NCKAP5: variants seen among roughly 807,000 people sequenced by gnomAD.
The protein encoded by NCKAP5 is nck-associated protein 5.
Under a neutral mutation model 167.0 loss-of-function variants are expected in NCKAP5, and 92 were observed. That is an observed-to-expected ratio of 0.55 (90% confidence interval 0.47 to 0.66). NCKAP5 has a LOEUF of 0.66. Among genes scored for constraint, NCKAP5 ranks in the 30% least tolerant of loss-of-function variants. The pLI is 0.00. For missense variants in NCKAP5, 2,378 were observed against 2,315.0 expected (o/e 1.03, Z -0.56); for synonymous variants, 891 against 877.4 (o/e 1.02, Z -0.27).
intron 17 of NCKAP5, among the ~76,000 whole-genome samples, chr2:132,729,697 A>G (rs1453222482): frequency 1.3e-5 from 2 of 152,128 alleles, no homozygotes; most frequent in East Asian, 1.9e-4. Flanking sequence ...TTTCCCCACT[A>G]CCCATGAAAG....
At chr2:132,911,743 T>G (rs1460437499) in intron 8 of NCKAP5, among the ~76,000 whole-genome samples, 1 of 152,222 alleles carries the variant, frequency 6.6e-6, no homozygotes, top group Non-Finnish European at 1.5e-5. Flanking sequence ...GAAAGGGCCC[T>G]GGTTCCCATC....
At chr2:132,791,833 C>T (rs923117122) in intron 12 of NCKAP5, among the ~76,000 whole-genome samples, 4 of 152,174 alleles carry the variant, frequency 2.6e-5, no homozygotes, top group Non-Finnish European at 4.4e-5. Context: ...GTACACAGGG[C>T]ATGTTTAATT....
intron 7 of NCKAP5, among the ~76,000 whole-genome samples, chr2:132,989,655 T>C (rs2077394785): frequency 6.6e-6 from 1 of 152,196 alleles, no homozygotes; most frequent in African/African-American, 2.4e-5. Flanking sequence ...TACTTTATTA[T>C]TGGATTTTTA....
At chr2:132,975,004 G>A (rs749690687) in intron 7 of NCKAP5, among the ~76,000 whole-genome samples, 3 of 152,206 alleles carry the variant, frequency 2.0e-5, no homozygotes, top group Non-Finnish European at 4.4e-5. Context: ...TGGTGGTGAG[G>A]AGGGTGTGCA....
At chr2:132,794,506 T>C (rs1004814207) in intron 12 of NCKAP5, among the ~76,000 whole-genome samples, 2 of 151,428 alleles carry the variant, frequency 1.3e-5, no homozygotes, top group Admixed American at 1.3e-4. Context: ...CATGGTGGTG[T>C]GCACCTGTAA....
chr2:132,734,612 AG>A (rs1329263733), intron 16 of NCKAP5, among the ~76,000 whole-genome samples: 3 of 152,184 alleles, frequency 2.0e-5, no homozygotes, highest in African/African-American at 7.2e-5. Context: ...CGTCATCAAA[AG>A]TTTGGTGCTT....
intron 11 of NCKAP5, among the ~76,000 whole-genome samples, chr2:132,798,593 A>C (rs1311829325): frequency 6.6e-6 from 1 of 152,200 alleles, no homozygotes; most frequent in East Asian, 1.9e-4. Flanking sequence ...TCTCAGATAT[A>C]TGATGTCACA....
At chr2:132,729,571 G>C (rs559541696) in intron 17 of NCKAP5, among the ~76,000 whole-genome samples, 2 of 152,328 alleles carry the variant, frequency 1.3e-5, no homozygotes, top group East Asian at 3.9e-4. Flanking sequence ...CAGTAGGTAT[G>C]GGGTGGGCTC....
intron 8 of NCKAP5, among the ~76,000 whole-genome samples, chr2:132,951,820 G>A (rs1203788212): frequency 6.6e-6 from 1 of 152,038 alleles, no homozygotes; most frequent in African/African-American, 2.4e-5. Flanking sequence ...CTGTTCTGGG[G>A]ACTGCTCATC....
chr2:133,636,444 C>A, the NCKAP5 span, among the ~76,000 whole-genome samples: 1 of 152,170 alleles, frequency 6.6e-6, no homozygotes, highest in Admixed American at 6.5e-5. Flanking sequence ...AAGCAGGCAA[C>A]TCTCAAGAAG....
chr2:133,515,460 C>G (rs1188738877), intron 3 of NCKAP5, among the ~76,000 whole-genome samples: 1 of 152,168 alleles, frequency 6.6e-6, no homozygotes, highest in Admixed American at 6.5e-5. Context: ...GAAAAGATTT[C>G]ACTAGTGTAA....
At chr2:133,318,755 T>A (rs1385984063) in intron 3 of NCKAP5, among the ~76,000 whole-genome samples, 1 of 152,154 alleles carries the variant, frequency 6.6e-6, no homozygotes, top group Non-Finnish European at 1.5e-5. Flanking sequence ...GGAAGAGCAA[T>A]GGTGCAATGC....
intron 19 of NCKAP5, among the ~76,000 whole-genome samples, chr2:132,709,074 A>T (rs368548662): frequency 6.6e-6 from 1 of 152,144 alleles, no homozygotes; most frequent in African/African-American, 2.4e-5. Context: ...TCACCTTGTA[A>T]AACTTTCCTA....
intron 5 of NCKAP5, among the ~76,000 whole-genome samples, chr2:133,209,396 GT>G (rs943016276): frequency 1.4e-5 from 2 of 147,272 alleles, no homozygotes; most frequent in Non-Finnish European, 3.0e-5. Flanking sequence ...GCTGAGGAAA[GT>G]TGCCAAAAAT....
chr2:132,796,342 C>T (rs529661258), intron 12 of NCKAP5, among the ~76,000 whole-genome samples: 4 of 152,164 alleles, frequency 2.6e-5, no homozygotes, highest in African/African-American at 7.2e-5. Context: ...TAATAAAAAG[C>T]TCCTTGACCA....
intron 8 of NCKAP5, among the ~76,000 whole-genome samples, chr2:132,895,900 C>T (rs1259743193): frequency 4.0e-5 from 6 of 151,738 alleles, no homozygotes; most frequent in Non-Finnish European, 7.4e-5. Context: ...TTTGTAAGGC[C>T]GAGGTGGGCA....
chr2:133,419,721 A>G (rs1689350976), intron 3 of NCKAP5, among the ~76,000 whole-genome samples: 1 of 152,148 alleles, frequency 6.6e-6, no homozygotes, highest in Non-Finnish European at 1.5e-5. Context: ...TTACACATTT[A>G]ATTTTGCAAA....
rs61213029 is a variant in NCKAP5, at chr2:132,676,283, C to CTTTT, written c.5714-2982_5714-2979dup. On this transcript the variant is annotated intron_variant, in intron 19 of 19. Transcript: ENST00000409261. ...TCTGAGCTAGGGATGTTGTTTTATCCTTTTTTTTTTTTTTTTTTTTTTTTT... is the reference window on the plus strand; with the variant it reads ...TCTGAGCTAGGGATGTTGTTTTATCCTTTTTTTTTTTTTTTTTTTTTTTTTTTTT... 1.7e-3 allele frequency among the ~76,000 whole-genome samples: 103 copies of CTTTT among 61,170 alleles called. 5 individuals carry two copies. The highest frequency in any genetic ancestry group is 7.3e-3 in the African/African-American group (95 of 12,940). The allele number at this position is 61,170 out of a possible 152,430, so 40.1% of individuals were successfully genotyped here.
At chr2:133,016,662 C>A (rs1490326686) in intron 6 of NCKAP5, among the ~76,000 whole-genome samples, 1 of 152,112 alleles carries the variant, frequency 6.6e-6, no homozygotes, top group Non-Finnish European at 1.5e-5. Context: ...ATGTTCCTAG[C>A]AACATTCAGT....
Sources: allele counts gnomAD v4.1 joint callset (sites outside exome capture counted in the v4.1 genomes callset), GRCh38; gene constraint gnomAD v4.1.1; transcripts MANE v1.5; gene names NCBI Gene and HGNC (gene_info 2026-07-23, HGNC 2026-07-21).